Variants in NEGR1 observed in about 807,000 individuals in gnomAD.
The protein encoded by NEGR1 is neuronal growth regulator 1.
NEGR1 carries 10 observed loss-of-function variants against 40.9 expected under a neutral mutation model. That is an observed-to-expected ratio of 0.24 (90% CI 0.15 to 0.42). The LOEUF (loss-of-function observed/expected upper bound fraction) is 0.42. Ranked by LOEUF, NEGR1 falls within the 10% of genes least tolerant of loss-of-function variation. NEGR1 has a pLI of 1.00. For synonymous variants in NEGR1, 185 were observed against 166.8 expected, an observed-to-expected ratio of 1.11 and a Z score of -0.84; for missense variants, 352 against 438.9, an observed-to-expected ratio of 0.80 and a Z score of 1.77.
At chr1:71,693,381 T>C (rs2101624345) in intron 4 of NEGR1, among the ~76,000 whole-genome samples, 1 of 151,758 alleles carries the variant, frequency 6.6e-6, no homozygotes, top group South Asian at 2.1e-4. Flanking sequence ...CCTTTATTTA[T>C]TCAACAACTA....
At chr1:72,186,328 T>G (rs1652611450) in intron 1 of NEGR1, among the ~76,000 whole-genome samples, 1 of 151,862 alleles carries the variant, frequency 6.6e-6, no homozygotes, top group Middle Eastern at 3.4e-3. Flanking sequence ...ATATCCATAG[T>G]CTACTTCCCA....
chr1:71,897,662 T>C (rs1661009855), intron 2 of NEGR1, among the ~76,000 whole-genome samples: 2 of 152,146 alleles, frequency 1.3e-5, no homozygotes, highest in Admixed American at 1.3e-4. Flanking sequence ...AGTGTGAAAA[T>C]TTGCTAATGG....
At chr1:71,604,762 G>T (rs1650027322) in intron 5 of NEGR1, among the ~76,000 whole-genome samples, 1 of 152,106 alleles carries the variant, frequency 6.6e-6, no homozygotes, top group African/African-American at 2.4e-5. Context: ...GTCTATGCAT[G>T]CATATTTTAT....
intron 1 of NEGR1, among the ~76,000 whole-genome samples, chr1:71,961,198 G>A (rs1382034894): frequency 6.6e-6 from 1 of 152,110 alleles, no homozygotes; most frequent in East Asian, 1.9e-4. Flanking sequence ...GCTAAGTAAA[G>A]TGCCCATTAA....
rs10633272 is a variant in NEGR1, at chr1:72,168,005, A to AT, written c.176+114313dup. ...ATAAGGTAGTTATATTATTATTATT[A>AT]TTTTTTTTTTTTTTTCTGAGACAAG... On this transcript the variant is annotated intron_variant, in intron 1 of 6. Transcript: ENST00000357731. Among the ~76,000 whole-genome samples the AT allele has an allele frequency of 1.4e-3, 195 of 139,684 alleles. 1 individual carries two copies. The highest frequency in any genetic ancestry group is 3.6e-3 in the African/African-American group (140 of 38,768). The allele number at this position is 139,684 out of a possible 152,430, so 91.6% of individuals were successfully genotyped here.
chr1:71,491,635 C>T (rs934215296), intron 6 of NEGR1, among the ~76,000 whole-genome samples: 5 of 150,980 alleles, frequency 3.3e-5, no homozygotes, highest in African/African-American at 1.2e-4. Flanking sequence ...TCTCACTCTT[C>T]ATGCTACTGT....
At chr1:72,150,847 T>C (rs927074709) in intron 1 of NEGR1, among the ~76,000 whole-genome samples, 2 of 152,010 alleles carry the variant, frequency 1.3e-5, no homozygotes, top group Non-Finnish European at 2.9e-5. Context: ...TTCTACAACT[T>C]GAAAAACAAA....
intron 3 of NEGR1, among the ~76,000 whole-genome samples, chr1:71,715,665 G>A (rs1383283682): frequency 6.6e-6 from 1 of 152,098 alleles, no homozygotes; most frequent in Non-Finnish European, 1.5e-5. Flanking sequence ...AGGGCAGGGG[G>A]AAAATGTCAC....
intron 1 of NEGR1, among the ~76,000 whole-genome samples, chr1:72,215,852 T>C (rs1312736971): frequency 6.6e-6 from 1 of 152,016 alleles, no homozygotes; most frequent in African/African-American, 2.4e-5. Context: ...AGCAATCTCA[T>C]TACTGGGTAT....
At chr1:71,613,390 T>C (rs1357020670) in intron 4 of NEGR1, among the ~76,000 whole-genome samples, 1 of 152,164 alleles carries the variant, frequency 6.6e-6, no homozygotes, top group African/African-American at 2.4e-5. Flanking sequence ...CTCACACCTA[T>C]AATCCCAGCA....
intron 2 of NEGR1, among the ~76,000 whole-genome samples, chr1:71,859,129 C>A (rs1219071178): frequency 1.3e-5 from 2 of 152,076 alleles, no homozygotes; most frequent in South Asian, 2.1e-4. Context: ...CTTCTGATGG[C>A]CTGCAAGGCC....
At chr1:72,156,231 C>T (rs1651352240) in intron 1 of NEGR1, among the ~76,000 whole-genome samples, 1 of 152,024 alleles carries the variant, frequency 6.6e-6, no homozygotes, top group Non-Finnish European at 1.5e-5. Flanking sequence ...TTTTTATGTA[C>T]TATTATGAAT....
intron 6 of NEGR1, among the ~76,000 whole-genome samples, chr1:71,417,301 A>G (rs1646362632): frequency 6.6e-6 from 1 of 152,286 alleles, no homozygotes; most frequent in East Asian, 1.9e-4. Context: ...ACTATTTATT[A>G]CAGAGAATGG....
At chr1:71,604,664 C>T (rs901774484) in intron 5 of NEGR1, among the ~76,000 whole-genome samples, 1 of 152,066 alleles carries the variant, frequency 6.6e-6, no homozygotes, top group Non-Finnish European at 1.5e-5. Context: ...CACCATGCCT[C>T]TATGTAAAGT....
chr1:72,158,519 A>G (rs1651442339), intron 1 of NEGR1, among the ~76,000 whole-genome samples: 1 of 152,158 alleles, frequency 6.6e-6, no homozygotes, highest in Admixed American at 6.6e-5. Flanking sequence ...CAGACCACAC[A>G]GTGGCCCAAC....
chr1:71,433,653 T>C (rs1325966593), intron 6 of NEGR1, among the ~76,000 whole-genome samples: 1 of 152,198 alleles, frequency 6.6e-6, no homozygotes, highest in Non-Finnish European at 1.5e-5. Flanking sequence ...TCCTGAGACT[T>C]AATCACTACC....
intron 1 of NEGR1, among the ~76,000 whole-genome samples, chr1:71,939,782 C>T (rs1440636658): frequency 6.7e-6 from 1 of 149,364 alleles, no homozygotes; most frequent in Non-Finnish European, 1.5e-5. Context: ...CTCTACACTT[C>T]CGAAACCCTT....
chr1:71,704,021 A>C (rs988639031), intron 3 of NEGR1, among the ~76,000 whole-genome samples: 1 of 152,024 alleles, frequency 6.6e-6, no homozygotes, highest in African/African-American at 2.4e-5. Context: ...GCTAAAAACC[A>C]GAGGAAAAGA....
At chr1:71,985,913 C>T (rs1400121957) in intron 1 of NEGR1, among the ~76,000 whole-genome samples, 2 of 152,098 alleles carry the variant, frequency 1.3e-5, no homozygotes, top group Non-Finnish European at 2.9e-5. Context: ...CTTCAACCAC[C>T]AGGGTTTCTC....
Sources: gnomAD v4.1 joint callset for allele counts (sites outside exome capture counted in the v4.1 genomes callset) on GRCh38, gnomAD v4.1.1 for gene constraint, MANE v1.5 for transcripts, NCBI Gene and HGNC (gene_info 2026-07-23, HGNC 2026-07-21) for gene names.